The following CENPC variants were observed in gnomAD, a reference collection of about 807,000 sequenced individuals.
The protein encoded by CENPC is CENP-C 1.
CENPC carries 63 observed loss-of-function variants against 112.1 expected under a neutral mutation model. That is an observed-to-expected ratio of 0.56 (90% CI 0.46 to 0.69). The LOEUF (loss-of-function observed/expected upper bound fraction) is 0.69. Ranked by LOEUF, CENPC falls within the 30% of genes least tolerant of loss-of-function variation. CENPC has a pLI of 0.00. For synonymous variants in CENPC, 333 were observed against 367.6 expected (o/e 0.91, Z 1.08); for missense variants, 1,000 against 1,103.8 (o/e 0.91, Z 1.33).
chr4:67,493,101 A>G, intron 14 of CENPC, 104 bp from the exon 15 acceptor site: 1 of 890,512 alleles, frequency 1.1e-6, no homozygotes, highest in Non-Finnish European at 1.7e-6. Context: ...GTACCAAAGA[A>G]TATATGTCTG....
rs1400456533 is a variant in CENPC, at chr4:67,468,990, A to G, written c.*3615T>C. 3.3e-5 allele frequency: 5 copies of G among 152,252 alleles called. No homozygotes were observed. The highest frequency in any genetic ancestry group is 7.3e-5 in the Non-Finnish European group (5 of 68,038). 9.4% of individuals were successfully genotyped at this position (152,252 alleles called of 1,614,324 possible). A position where few individuals can be genotyped will look rare whatever the true frequency, so the allele number is the denominator to read the frequency against. On this transcript the variant is annotated 3_prime_UTR_variant, in exon 19 of 19. Transcript: ENST00000273853. ...GATGAAGAACAAATTAGTGATGATG[A>G]AACAGTTCTATGTTGATTGCAGTAG... is the stretch of plus-strand genomic sequence containing the variant.
chr4:67,478,216 G>A lies in CENPC; in HGVS notation c.2671-3238C>T, dbSNP rs568345276. On this transcript the variant is annotated intron_variant, in intron 17 of 18. Coordinates refer to ENST00000273853, the MANE Select transcript of CENPC (RefSeq NM_001812.4). ...TCAAAGAGCACCTGGAAAATTCATCGCAAAAAGATCATCACCTAGCCACAC... is the reference window on the plus strand; with the variant it reads ...TCAAAGAGCACCTGGAAAATTCATCACAAAAAGATCATCACCTAGCCACAC... Among the ~76,000 whole-genome samples the A allele has an allele frequency of 1.0e-3, 156 of 152,130 alleles. 1 individual carries two copies. The highest frequency in any genetic ancestry group is 0.01 in the Middle Eastern group (3 of 294).
chr4:67,474,652 C>G, intron 18 of CENPC: 2 of 398,794 alleles, frequency 5.0e-6, no homozygotes, highest in South Asian at 2.5e-5. Flanking sequence ...GAGCTGAGAT[C>G]GTGCCACTGC....
chr4:67,505,272 C>T lies in CENPC; in HGVS notation c.2064G>A (p.Arg688=). 1 of 1,560,714 alleles carries T rather than the reference C, an allele frequency of 6.4e-7. No homozygotes were observed. Among genetic ancestry groups the T allele is most frequent in the Non-Finnish European group, 8.7e-7 (1 of 1,153,748 alleles). ...TSVLEESGPS[R]LNNNYLMSGK... ...CAGACATTAAATAATTATTATTGAG[C>T]CTGGAAGGTCCACTTAAGAAAAAAA... The change falls in exon 12 of 19, where the codon AGG becomes AGA. Residue 688 remains arginine, a synonymous_variant. Coordinates refer to ENST00000273853, the MANE Select transcript of CENPC (RefSeq NM_001812.4).
chr4:67,508,638 G>A (rs1725802244), intron 10 of CENPC, among the ~76,000 whole-genome samples, 176 bp downstream of exon 10: 1 of 151,732 alleles, frequency 6.6e-6, no homozygotes. Context: ...CAAGTGCAGA[G>A]TACTACTTTG....
At chr4:67,483,305 CTGA>C (rs1725002900) in intron 17 of CENPC, among the ~76,000 whole-genome samples, 1 of 151,886 alleles carries the variant, frequency 6.6e-6, no homozygotes, top group South Asian at 2.1e-4. Flanking sequence ...CTGCAGTGGG[CTGA>C]TATCGTGCCA....
In CENPC at chr4:67,506,793, C is replaced by T; in HGVS notation, c.2046G>A (p.Glu682=). The stretch of plus-strand genomic sequence containing the variant: ...TCCTTACAATACACGCATACCTTTC[C>T]TCTAAAACTGAAGTCTTATGCTCTC... ...DSGEHKTSVL[E]ESGPSRLNNN... is the part of the protein sequence containing the mutation. The change falls in exon 11 of 19, where the codon GAG becomes GAA. Residue 682 remains glutamate (E), a synonymous_variant. Coordinates refer to ENST00000273853, the MANE Select transcript of CENPC (RefSeq NM_001812.4). The T allele has an allele frequency of 6.3e-7, 1 of 1,596,008 alleles. No homozygotes were observed. Among genetic ancestry groups the T allele is most frequent in the Non-Finnish European group, 8.5e-7 (1 of 1,171,382 alleles).
In CENPC at chr4:67,492,064, T is replaced by C. The variant is rs1260876899; in HGVS notation, c.2515+116A>G. The C allele has an allele frequency of 8.8e-6, 6 of 678,214 alleles. No individual in the cohort carries two copies. The Admixed American group carries it at 1.6e-4, about 18-fold the overall frequency. The allele number at this position is 678,214 out of a possible 1,614,324, so 42.0% of individuals were successfully genotyped here. ...CGTTGGAATTAGACTCTTCTGGACT[T>C]TAGCACTGATAGAATTGGGGAGAGA... On this transcript the variant is annotated intron_variant, in intron 16 of 18. Coordinates refer to ENST00000273853, the MANE Select transcript of CENPC (RefSeq NM_001812.4).
chr4:67,534,624 T>TA (rs1726661628), intron 4 of CENPC, among the ~76,000 whole-genome samples: 1 of 152,176 alleles, frequency 6.6e-6, no homozygotes, highest in Non-Finnish European at 1.5e-5. Flanking sequence ...CAATCGCAGT[T>TA]AGACTTGAAC....
intron 5 of CENPC, 64 bp downstream of exon 5, chr4:67,530,751 C>T (rs1726523752): frequency 1.3e-6 from 1 of 743,000 alleles, no homozygotes; most frequent in Admixed American, 3.1e-5. Context: ...AACACATGCA[C>T]CATTAGCGTT....
Position 67,490,108 on chromosome 4 carries a change from T to A in CENPC, c.2529A>T (p.Pro843=), listed in dbSNP as rs746092870. ...REIILMDLVR[P]QDTYQFFVKH... Reference sequence around the variant, plus strand: ...TAACAAAAAATTGATATGTATCTTGTGGCCTTACAAGATCTAGGAGTAAAA... The same window carrying A: ...TAACAAAAAATTGATATGTATCTTGAGGCCTTACAAGATCTAGGAGTAAAA... The change falls in exon 17 of 19, where the codon CCA becomes CCT. Residue 843 remains proline, a synonymous_variant. Transcript: ENST00000273853. The A allele has an allele frequency of 6.9e-6, 11 of 1,603,910 alleles. No individual in the cohort carries two copies.
intron 9 of CENPC, among the ~76,000 whole-genome samples, chr4:67,509,460 C>T (rs572999548): frequency 9.2e-5 from 14 of 152,194 alleles, no homozygotes; most frequent in South Asian, 4.1e-4. Flanking sequence ...CTTTCATTGA[C>T]GGACTTATCT....
At position 67,506,853 on chromosome 4, in the gene CENPC, T is replaced by C; in HGVS notation, c.1986A>G (p.Thr662=). 6.2e-7 allele frequency: 1 copy of C among 1,612,470 alleles called. No homozygotes were observed. Among genetic ancestry groups the C allele is most frequent in the Non-Finnish European group, 8.5e-7 (1 of 1,179,000 alleles). Residue 662 remains threonine (T), a synonymous_variant, in exon 11 of 19, where the codon ACA becomes ACG. Coordinates refer to ENST00000273853, the MANE Select transcript of CENPC (RefSeq NM_001812.4). The part of the protein sequence containing the change: ...VPLKPQTSGY[T]CNIPTESNLD... ...AGTTTGACTCTGTTGGTATATTACA[T>C]GTATATCCACTGGTCTGAGGCTTTA...
intron 17 of CENPC, among the ~76,000 whole-genome samples, chr4:67,485,239 T>C (rs1336936005): frequency 6.6e-6 from 1 of 152,154 alleles, no homozygotes; most frequent in Non-Finnish European, 1.5e-5. Context: ...CAAAATCATA[T>C]GTTAAACAAG....
chr4:67,509,115 T>A lies in CENPC; in HGVS notation c.1613-10A>T, dbSNP rs375325950. The stretch of plus-strand genomic sequence containing the variant: ...TTGCTATAAACAGGACCTGAAGGAT[T>A]CAATGATAACCTAAAGTTAGTAAGT... On this transcript the variant is annotated splice_polypyrimidine_tract_variant and intron_variant, in intron 9 of 18. Transcript: ENST00000273853. 47 of 1,591,074 alleles carry A rather than the reference T, an allele frequency of 3.0e-5. No individual in the cohort carries two copies. In the African/African-American group the frequency reaches 6.2e-4, roughly 21 times the overall value.
chr4:67,539,040 C>CA (rs1220239103), intron 4 of CENPC, among the ~76,000 whole-genome samples: 3 of 151,662 alleles, frequency 2.0e-5, no homozygotes, highest in Non-Finnish European at 4.4e-5. Flanking sequence ...GAACATTTTT[C>CA]AAAAAAAGAC....
In CENPC at chr4:67,514,166, T is replaced by C; in HGVS notation, c.1352A>G (p.Gln451Arg). 1.2e-6 allele frequency: 2 copies of C among 1,612,284 alleles called. No individual in the cohort carries two copies. The highest frequency in any genetic ancestry group is 1.7e-6 in the Non-Finnish European group (2 of 1,179,232). Reference sequence around the variant, plus strand: ...GTCTGAATTTCTTTGAAATTCGTCTTGGGTAATATGTGATGTATGTATGTT... The same window carrying C: ...GTCTGAATTTCTTTGAAATTCGTCTCGGGTAATATGTGATGTATGTATGTT... The part of the protein sequence containing the change: ...DENIHTSHIT[Q>R]DEFQRNSDRN... The change falls in exon 8 of 19, where the codon CAA becomes CGA. Residue 451 changes from glutamine (Q) to arginine (R), a missense_variant. By Grantham distance (43) the Gln-to-Arg change is conservative. Transcript: ENST00000273853.
At chr4:67,496,999 T>C (rs2109783576) in intron 12 of CENPC, among the ~76,000 whole-genome samples, 1 of 150,378 alleles carries the variant, frequency 6.6e-6, no homozygotes, top group African/African-American at 2.4e-5. Context: ...GGAGGCAGTG[T>C]CAGAGTGATA....
chr4:67,483,073 T>A (rs1312671110), intron 17 of CENPC, among the ~76,000 whole-genome samples: 2 of 152,136 alleles, frequency 1.3e-5, no homozygotes, highest in Non-Finnish European at 2.9e-5. Context: ...GCTGCCACCA[T>A]GTGAAAAAGG....
Sources: gnomAD v4.1 joint callset for allele counts (sites outside exome capture counted in the v4.1 genomes callset) on GRCh38, gnomAD v4.1.1 for gene constraint, MANE v1.5 for transcripts, NCBI Gene and HGNC (gene_info 2026-07-23, HGNC 2026-07-21) for gene names.